Variants in CFHR1 observed in about 807,000 individuals in gnomAD.
CFHR1 encodes complement factor H related 1.
Under a neutral mutation model 30.4 loss-of-function variants are expected in CFHR1, and 22 were observed. The observed-to-expected ratio is 0.72, with a 90% confidence interval of 0.52 to 1.03. The LOEUF (loss-of-function observed/expected upper bound fraction) is 1.03. Ranked by LOEUF, CFHR1 falls within the 50% of genes least tolerant of loss-of-function variation. The pLI, the probability that CFHR1 is intolerant of heterozygous loss-of-function variation, is 0.00. For synonymous variants in CFHR1, 95 were observed against 129.1 expected (o/e 0.74, Z 1.79); for missense variants, 248 against 380.6 (o/e 0.65, Z 2.90).
chr1:196,824,324 C>G lies in CFHR1; in HGVS notation c.59-1153C>G, dbSNP rs1655238462. Among the ~76,000 whole-genome samples, 3 of 133,548 alleles carry G rather than the reference C, an allele frequency of 2.2e-5. 1 individual carries two copies. In the South Asian group the frequency reaches 7.8e-4, roughly 35 times the overall value. 87.6% of individuals were successfully genotyped at this position (133,548 alleles called of 152,430 possible). On this transcript the variant is annotated intron_variant, in intron 1 of 5. Coordinates refer to ENST00000320493, the MANE Select transcript of CFHR1 (RefSeq NM_002113.3). ...CCAGGCTCGAGTTTAGTGGCATGATCTCCGCTCACTGCAACCTCCCCCTCC... is the reference window on the plus strand; with the variant it reads ...CCAGGCTCGAGTTTAGTGGCATGATGTCCGCTCACTGCAACCTCCCCCTCC...
At position 196,826,007 on chromosome 1, in the gene CFHR1, A is replaced by G. The variant is rs569296992; in HGVS notation, c.253+336A>G. On this transcript the variant is annotated intron_variant, in intron 2 of 5. Coordinates refer to ENST00000320493, the MANE Select transcript of CFHR1 (RefSeq NM_002113.3). ...TTCCTTTTAAATGTCATTTTTATAC[A>G]TATTCTGTTTTGAATTTACCATTCT... The G allele has an allele frequency of 1.7e-4, 35 of 207,978 alleles. 2 individuals carry two copies. The highest frequency in any genetic ancestry group is 4.5e-3 in the Middle Eastern group (2 of 448). The allele number at this position is 207,978 out of a possible 1,614,324, so 12.9% of individuals were successfully genotyped here.
rs753812846 is a variant in CFHR1, at chr1:196,827,049, A to G, written c.430+44A>G. ...TCTCATATGCTGTTATCTATTATAA[A>G]GTTTGAGAGAAATAAATCTTTTTTA... On this transcript the variant is annotated intron_variant, in intron 3 of 5. Coordinates refer to ENST00000320493, the MANE Select transcript of CFHR1 (RefSeq NM_002113.3). 3.4e-5 allele frequency: 50 copies of G among 1,474,258 alleles called. 7 individuals are homozygous for G. The highest frequency in any genetic ancestry group is 4.5e-5 in the Non-Finnish European group (49 of 1,083,944). The allele number at this position is 1,474,258 out of a possible 1,614,324, so 91.3% of individuals were successfully genotyped here.
chr1:196,825,957 A>C, intron 2 of CFHR1: 1 of 255,894 alleles, frequency 3.9e-6, no homozygotes, highest in Non-Finnish European at 7.1e-6. Context: ...ACTAATATTC[A>C]TTTCGCAGCA....
At chr1:196,822,921 G>A (rs1308343429) in intron 1 of CFHR1, among the ~76,000 whole-genome samples, 1 of 133,836 alleles carries the variant, frequency 7.5e-6, no homozygotes, top group African/African-American at 3.2e-5. Flanking sequence ...GTTTACCCCC[G>A]GCATTGCCAC....
At position 196,831,859 on chromosome 1, in the gene CFHR1, A is replaced by T; in HGVS notation, c.853A>T (p.Lys285Ter). 1.3e-6 allele frequency: 2 copies of T among 1,525,518 alleles called. 1 individual carries two copies. Among genetic ancestry groups the T allele is most frequent in the Non-Finnish European group, 1.8e-6 (2 of 1,129,458 alleles). 94.5% of individuals were successfully genotyped at this position (1,525,518 alleles called of 1,614,324 possible). Residue 285 changes from lysine (K) to a stop codon, truncating the protein, a stop_gained, in exon 6 of 6, where the codon AAA becomes TAA. Transcript: ENST00000320493. LOFTEE classifies it low-confidence loss of function (END_TRUNC). ...TAACATAGCATTAAGGTGGACAGCC[A>T]AACAGAAGCTTTATTTGAGAACAGG... is the stretch of plus-strand genomic sequence containing the variant. Reference protein sequence around the residue: ...NYNIALRWTAKQKLYLRTGES... With the variant: ...NYNIALRWTA
At position 196,825,735 on chromosome 1, in the gene CFHR1, A is replaced by G; in HGVS notation, c.253+64A>G. ...GTGAATAGAGAAGGATATGCCAGAC[A>G]AGATCATAAGGTCTTGATAATCACA... On this transcript the variant is annotated intron_variant, in intron 2 of 5. Coordinates refer to ENST00000320493, the MANE Select transcript of CFHR1 (RefSeq NM_002113.3). 3.6e-6 allele frequency: 5 copies of G among 1,395,744 alleles called. 2 individuals carry two copies. Among genetic ancestry groups the G allele is most frequent in the Non-Finnish European group, 3.9e-6 (4 of 1,018,702 alleles). 86.5% of individuals were successfully genotyped at this position (1,395,744 alleles called of 1,614,324 possible).
At chr1:196,823,238 A>T (rs1655192445) in intron 1 of CFHR1, among the ~76,000 whole-genome samples, 1 of 134,672 alleles carries the variant, frequency 7.4e-6, no homozygotes, top group Non-Finnish European at 1.6e-5. Flanking sequence ...GCTTGCAAGA[A>T]GACATTAACA....
At chr1:196,822,645 C>A (rs982067703) in intron 1 of CFHR1, among the ~76,000 whole-genome samples, 1 of 134,584 alleles carries the variant, frequency 7.4e-6, no homozygotes. Flanking sequence ...GTCTTCACGG[C>A]AGTAACAGGC....
intron 5 of CFHR1, among the ~76,000 whole-genome samples, chr1:196,831,056 C>A (rs559951132): frequency 1.5e-5 from 2 of 134,868 alleles, no homozygotes; most frequent in Admixed American, 7.1e-5. Flanking sequence ...GGCGGGAACC[C>A]GGGAGGCGGA....
chr1:196,826,734 G>A, intron 2 of CFHR1, 95 bp from the exon 3 acceptor site: 1 of 1,185,200 alleles, frequency 8.4e-7, no homozygotes, highest in East Asian at 2.4e-5. Context: ...ACCAGAGTGA[G>A]CCACTTCACC....
rs553095951 is a variant in CFHR1 at position 196,826,982 on chromosome 1, C to A, written c.407C>A (p.Thr136Asn). The A allele has an allele frequency of 5.9e-6, 9 of 1,523,538 alleles. No homozygotes were observed. The East Asian group carries it at 2.0e-4, about 34-fold the overall frequency. The allele number at this position is 1,523,538 out of a possible 1,614,324, so 94.4% of individuals were successfully genotyped here. A position where few individuals can be genotyped will look rare whatever the true frequency, so the allele number is the denominator to read the frequency against. ...TCATGTGTAGAACGGGGCTGGTCCA[C>A]CCCTCCCAAATGCAGGTCCACTGGT... ...NISCVERGWSTPPKCRSTDTS... is the reference protein window; with the variant it reads ...NISCVERGWSNPPKCRSTDTS... The change falls in exon 3 of 6, where the codon ACC (threonine) becomes AAC (asparagine). Residue 136 changes from threonine (T) to asparagine (N), a missense_variant. Thr to Asn is a moderately conservative substitution (Grantham distance 65). Coordinates refer to ENST00000320493, the MANE Select transcript of CFHR1 (RefSeq NM_002113.3).
chr1:196,824,492 A>G (rs1275776779), intron 1 of CFHR1, among the ~76,000 whole-genome samples: 1 of 130,218 alleles, frequency 7.7e-6, no homozygotes, highest in Non-Finnish European at 1.6e-5. Context: ...TCCTGACCTC[A>G]AGTGACCCAC....
intron 1 of CFHR1, among the ~76,000 whole-genome samples, chr1:196,824,061 A>G (rs1655225776): frequency 7.5e-6 from 1 of 134,146 alleles, no homozygotes; most frequent in Non-Finnish European, 1.6e-5. Context: ...TTGTTTTAAT[A>G]TATCTTGCAC....
At chr1:196,830,799 A>G in intron 5 of CFHR1, 117 bp downstream of exon 5, 1 of 1,337,204 alleles carries the variant, frequency 7.5e-7, no homozygotes, top group Non-Finnish European at 1.0e-6. Context: ...ATGCCTGCCT[A>G]CCAAAAATTT....
rs1386342539 is a variant in CFHR1 at position 196,827,353 on chromosome 1, A to C, written c.430+348A>C. ...AACCCCTCCAGGGAATTCTATGCACACTTCTGTGTGAGAAGCATTGCTATA... is the reference window on the plus strand; with the variant it reads ...AACCCCTCCAGGGAATTCTATGCACCCTTCTGTGTGAGAAGCATTGCTATA... On this transcript the variant is annotated intron_variant, in intron 3 of 5. Transcript: ENST00000320493. 1.3e-4 allele frequency among the ~76,000 whole-genome samples: 17 copies of C among 135,642 alleles called. 4 individuals are homozygous for C. The highest frequency in any genetic ancestry group is 2.6e-4 in the Non-Finnish European group (17 of 64,406). The allele number at this position is 135,642 out of a possible 152,430, so 89.0% of individuals were successfully genotyped here. A position where few individuals can be genotyped will look rare whatever the true frequency, so the allele number is the denominator to read the frequency against.
intron 5 of CFHR1, 103 bp downstream of exon 5, chr1:196,830,785 C>G (rs771947892): frequency 7.2e-7 from 1 of 1,388,068 alleles, no homozygotes; most frequent in East Asian, 2.3e-5. Flanking sequence ...AACCATTCTG[C>G]TGAATGCCTG....
At chr1:196,826,070 A>G (rs1655309598) in intron 2 of CFHR1, 1 of 165,380 alleles carries the variant, frequency 6.0e-6, no homozygotes, top group Non-Finnish European at 1.2e-5. Flanking sequence ...TTTCACTTTT[A>G]TATTTCAATA....
rs41308387 is a variant in CFHR1 at position 196,825,462 on chromosome 1, A to G, written c.59-15A>G. ...ACTTATTATGTAATTCTTCAGTTTTATGTTATTTTCCCAGCAACATTTTGT... is the reference window on the plus strand; with the variant it reads ...ACTTATTATGTAATTCTTCAGTTTTGTGTTATTTTCCCAGCAACATTTTGT... On this transcript the variant is annotated splice_polypyrimidine_tract_variant and intron_variant, in intron 1 of 5. Transcript: ENST00000320493. 1 of 1,409,096 alleles carries G rather than the reference A, an allele frequency of 7.1e-7. No homozygotes were observed. Among genetic ancestry groups the G allele is most frequent in the Non-Finnish European group, 9.7e-7 (1 of 1,029,432 alleles). The allele number at this position is 1,409,096 out of a possible 1,614,324, so 87.3% of individuals were successfully genotyped here.
rs1210783093 is a variant in CFHR1, at chr1:196,831,744, A to G, written c.791-53A>G. The G allele has an allele frequency of 6.9e-6, 10 of 1,456,630 alleles. 1 individual carries two copies. Among genetic ancestry groups the G allele is most frequent in the African/African-American group, 5.3e-5 (3 of 56,996 alleles). The allele number at this position is 1,456,630 out of a possible 1,614,324, so 90.2% of individuals were successfully genotyped here. On this transcript the variant is annotated intron_variant, in intron 5 of 5. Coordinates refer to ENST00000320493, the MANE Select transcript of CFHR1 (RefSeq NM_002113.3). ...ATTCTACTTGAAAACCTGAAAGTCT[A>G]TGAAGATTTGCATACTACTTAATGT...
Sources: gnomAD v4.1 joint callset for allele counts (sites outside exome capture counted in the v4.1 genomes callset) on GRCh38, gnomAD v4.1.1 for gene constraint, MANE v1.5 for transcripts, NCBI Gene and HGNC (gene_info 2026-07-23, HGNC 2026-07-21) for gene names.